The following TTC29 variants were observed in gnomAD, a reference collection of about 807,000 sequenced individuals.
TTC29 encodes tetratricopeptide repeat domain 29, also known as tetratricopeptide repeat protein 29.
In TTC29, 49 loss-of-function variants were observed where a neutral mutation model predicts 58.1. The observed-to-expected ratio is 0.84, with a 90% CI of 0.67 to 1.07. The LOEUF (loss-of-function observed/expected upper bound fraction) is 1.07, where lower values mean the gene tolerates loss of function less well. TTC29 is among the 50% of genes least tolerant of loss of function. TTC29 has a pLI of 0.00. For synonymous variants in TTC29, 209 were observed against 196.8 expected (o/e 1.06, Z -0.52); for missense variants, 582 against 555.6 (o/e 1.05, Z -0.48).
intron 10 of TTC29, among the ~76,000 whole-genome samples, chr4:146,819,636 G>T (rs1751682187): frequency 6.6e-6 from 1 of 151,992 alleles, no homozygotes; most frequent in Non-Finnish European, 1.5e-5. Context: ...TTCATGTAAT[G>T]AATCTGTTGC....
chr4:146,928,344 T>A (rs1735077284), intron 4 of TTC29, among the ~76,000 whole-genome samples: 1 of 152,198 alleles, frequency 6.6e-6, no homozygotes, highest in African/African-American at 2.4e-5. Flanking sequence ...ATTGAACTAA[T>A]AAATACTTTT....
At chr4:146,854,874 C>T (rs1579836394) in intron 8 of TTC29, among the ~76,000 whole-genome samples, 2 of 152,202 alleles carry the variant, frequency 1.3e-5, no homozygotes, top group African/African-American at 4.8e-5. Flanking sequence ...CAAAAGAAAG[C>T]TGTTACACAC....
At chr4:146,776,787 G>A (rs1169417722) in intron 11 of TTC29, among the ~76,000 whole-genome samples, 6 of 152,220 alleles carry the variant, frequency 3.9e-5, no homozygotes, top group Non-Finnish European at 8.8e-5. Context: ...GTGGAGTACC[G>A]ATGGAAGCAG....
intron 4 of TTC29, among the ~76,000 whole-genome samples, chr4:146,918,517 A>C (rs1441896685): frequency 1.3e-5 from 2 of 151,226 alleles, no homozygotes; most frequent in African/African-American, 2.4e-5. Context: ...GATGTTTTGC[A>C]TTAAAGGCAG....
At chr4:146,933,645 G>A (rs1412206415) in intron 4 of TTC29, among the ~76,000 whole-genome samples, 1 of 152,126 alleles carries the variant, frequency 6.6e-6, no homozygotes, top group Non-Finnish European at 1.5e-5. Flanking sequence ...GAAGTTTAAA[G>A]TCAAATCATC....
At chr4:146,922,650 CAAAG>C (rs201243448) in intron 4 of TTC29, among the ~76,000 whole-genome samples, 1,885 of 151,650 alleles carry the variant, frequency 0.012, 19 homozygotes, top group Non-Finnish European at 0.02. Context: ...AACTATAGCA[CAAAG>C]AGTTTAATTA....
At chr4:146,882,185 G>T (rs1287147734) in intron 6 of TTC29, among the ~76,000 whole-genome samples, 3 of 152,056 alleles carry the variant, frequency 2.0e-5, no homozygotes, top group Non-Finnish European at 4.4e-5. Flanking sequence ...GTTATTAATT[G>T]TTGCTGCTTA....
chr4:146,796,209 GA>G (rs1749825061), intron 11 of TTC29, among the ~76,000 whole-genome samples: 1 of 152,108 alleles, frequency 6.6e-6, no homozygotes, highest in Non-Finnish European at 1.5e-5. Flanking sequence ...AAGAAGTGTT[GA>G]AAACCATATC....
At chr4:146,747,412 CT>C (rs1745629518) in intron 11 of TTC29, among the ~76,000 whole-genome samples, 1 of 152,196 alleles carries the variant, frequency 6.6e-6, no homozygotes, top group African/African-American at 2.4e-5. Context: ...ATCAGAGCTT[CT>C]GCTATGCCCT....
chr4:146,849,567 G>A (rs182402351), intron 8 of TTC29, among the ~76,000 whole-genome samples: 2 of 152,006 alleles, frequency 1.3e-5, no homozygotes, highest in Non-Finnish European at 2.9e-5. Context: ...ATTAGCAGCT[G>A]CTATTTTTTC....
intron 11 of TTC29, among the ~76,000 whole-genome samples, chr4:146,721,263 A>G (rs1743333634): frequency 6.6e-6 from 1 of 152,130 alleles, no homozygotes; most frequent in Non-Finnish European, 1.5e-5. Context: ...GGTGGGTCAA[A>G]TATGAAAAGT....
Position 146,903,745 on chromosome 4 carries a change from A to C in TTC29, c.401-16T>G, listed in dbSNP as rs911307915. 1 of 1,537,964 alleles carries C rather than the reference A, an allele frequency of 6.5e-7. No homozygotes were observed. The highest frequency in any genetic ancestry group is 1.3e-5 in the South Asian group (1 of 78,222). ...TCGAAGGATTCTTCAAAGAGAGAAA[A>C]GCACCATGAATGGCATTAGAAAGAT... On this transcript the variant is annotated splice_polypyrimidine_tract_variant and intron_variant, in intron 5 of 12. Coordinates refer to ENST00000325106, the MANE Select transcript of TTC29 (RefSeq NM_031956.4).
At chr4:146,891,606 G>T (rs1732369454) in intron 6 of TTC29, among the ~76,000 whole-genome samples, 1 of 152,146 alleles carries the variant, frequency 6.6e-6, no homozygotes, top group South Asian at 2.1e-4. Context: ...TAAAACACAG[G>T]ATATTAGAAG....
Position 146,722,570 on chromosome 4 carries a change from A to T in TTC29, c.1331-15019T>A, listed in dbSNP as rs892212000. Among the ~76,000 whole-genome samples, 4 of 152,198 alleles carry T rather than the reference A, an allele frequency of 2.6e-5. 1 individual carries two copies. The South Asian group carries it at 8.3e-4, about 31-fold the overall frequency. On this transcript the variant is annotated intron_variant, in intron 11 of 12. Transcript: ENST00000325106. ...CAAAGTCAACAAAAATAAGCAATGG[A>T]AAAAAGACTCCTTATTCAATAAATG...
chr4:146,906,354 A>T (rs1733520793), intron 5 of TTC29, among the ~76,000 whole-genome samples: 1 of 152,188 alleles, frequency 6.6e-6, no homozygotes, highest in Admixed American at 6.6e-5. Context: ...ACTATTGTTA[A>T]TGCCATAGCT....
intron 8 of TTC29, among the ~76,000 whole-genome samples, chr4:146,850,786 T>A (rs889677522): frequency 3.9e-5 from 6 of 152,220 alleles, no homozygotes; most frequent in Admixed American, 1.3e-4. Flanking sequence ...ATATTTTCAA[T>A]GGAAAATGTT....
At chr4:146,782,355 A>C (rs763511573) in intron 11 of TTC29, among the ~76,000 whole-genome samples, 6 of 151,786 alleles carry the variant, frequency 4.0e-5, no homozygotes, top group Non-Finnish European at 8.8e-5. Flanking sequence ...ATATAAAAAT[A>C]TTATTATTTG....
intron 6 of TTC29, among the ~76,000 whole-genome samples, chr4:146,886,635 A>T (rs948900347): frequency 2.0e-5 from 3 of 152,088 alleles, no homozygotes; most frequent in Admixed American, 2.0e-4. Flanking sequence ...TAAAAAGGAA[A>T]TTTTTTTAAA....
chr4:146,736,942 G>A (rs1178344898), intron 11 of TTC29, among the ~76,000 whole-genome samples: 1 of 152,162 alleles, frequency 6.6e-6, no homozygotes, highest in Non-Finnish European at 1.5e-5. Flanking sequence ...TTGACACTTA[G>A]TGCACTATGA....
Sources: gnomAD v4.1 joint callset for allele counts (sites outside exome capture counted in the v4.1 genomes callset) on GRCh38, gnomAD v4.1.1 for gene constraint, MANE v1.5 for transcripts, NCBI Gene and HGNC (gene_info 2026-07-23, HGNC 2026-07-21) for gene names.